Variants in XRCC4 observed in about 807,000 individuals in gnomAD.
XRCC4 encodes DNA repair protein XRCC4.
In XRCC4, 28 loss-of-function variants were observed where a neutral mutation model predicts 39.1. The observed-to-expected ratio is 0.72, with a 90% CI of 0.53 to 0.98. The LOEUF is 0.98. Ranked by LOEUF, XRCC4 falls within the 50% of genes least tolerant of loss-of-function variation. The probability of loss-of-function intolerance (pLI) is 0.00; values close to 1 mark genes in which losing one functional copy is unlikely to be tolerated. For missense variants in XRCC4, 350 were observed against 376.4 expected (o/e 0.93, Z 0.58); for synonymous variants, 123 against 126.4 (o/e 0.97, Z 0.18).
intron 7 of XRCC4, among the ~76,000 whole-genome samples, chr5:83,325,956 C>T (rs1297776397): frequency 1.3e-5 from 2 of 152,072 alleles, no homozygotes; most frequent in African/African-American, 2.4e-5. Context: ...TTCTTTGCAT[C>T]CTCACCAGCA....
chr5:83,350,318 T>G (rs930976071), intron 7 of XRCC4, among the ~76,000 whole-genome samples: 18 of 152,212 alleles, frequency 1.2e-4, no homozygotes, highest in African/African-American at 4.3e-4. Flanking sequence ...AGTTATGTTT[T>G]AAGTCCTTTG....
intron 3 of XRCC4, among the ~76,000 whole-genome samples, chr5:83,126,935 T>C (rs1747296057): frequency 6.6e-6 from 1 of 152,176 alleles, no homozygotes; most frequent in East Asian, 1.9e-4. Flanking sequence ...ACTCCCTTCT[T>C]TTTTCCTGTT....
chr5:83,110,902 G>C, intron 2 of XRCC4, 126 bp from the exon 3 acceptor site: 1 of 873,064 alleles, frequency 1.1e-6, no homozygotes, highest in Middle Eastern at 3.0e-4. Context: ...GTGTAGTATA[G>C]GGATTGATTT....
chr5:83,284,052 CAAAAAAAAAAAAAAAA>C (rs766161565), intron 7 of XRCC4, among the ~76,000 whole-genome samples: 1 of 16,070 alleles, frequency 6.2e-5, no homozygotes, highest in African/African-American at 1.8e-4. Flanking sequence ...CAACCCAGAG[CAAAAAAAAAAAAAAAA>C]AAAAAAAAAA....
chr5:83,303,034 G>A (rs1191205799), intron 7 of XRCC4, among the ~76,000 whole-genome samples: 4 of 152,080 alleles, frequency 2.6e-5, no homozygotes, highest in African/African-American at 9.7e-5. Context: ...CCAACATGGT[G>A]AAACCCCGTC....
intron 7 of XRCC4, among the ~76,000 whole-genome samples, chr5:83,336,713 G>A (rs1460701688): frequency 1.3e-5 from 2 of 152,134 alleles, no homozygotes; most frequent in Non-Finnish European, 2.9e-5. Flanking sequence ...CAGTAGTTGG[G>A]TTGTGAGTGT....
intron 6 of XRCC4, among the ~76,000 whole-genome samples, chr5:83,225,606 A>G (rs1295638670): frequency 9.9e-6 from 1 of 101,290 alleles, no homozygotes; most frequent in South Asian, 3.6e-4. Flanking sequence ...TTTATTCCAG[A>G]AAAAAAAAAA....
At chr5:83,218,062 T>TTATATATATATATATATATATA (rs560667796) in intron 6 of XRCC4, among the ~76,000 whole-genome samples, 6 of 147,610 alleles carry the variant, frequency 4.1e-5, no homozygotes, top group African/African-American at 1.5e-4. Flanking sequence ...TTTACCTTTT[T>TTATATATATATATATATATATA]TATATATATA....
chr5:83,245,580 A>C (rs1157167173), intron 6 of XRCC4, among the ~76,000 whole-genome samples: 3 of 152,158 alleles, frequency 2.0e-5, no homozygotes, highest in African/African-American at 7.2e-5. Context: ...TAATTGCATA[A>C]GATTTTTTGG....
At chr5:83,361,716 G>A in the XRCC4 span, among the ~76,000 whole-genome samples, 6 of 151,276 alleles carry the variant, frequency 4.0e-5, no homozygotes, top group Non-Finnish European at 1.5e-5. Context: ...TCTGTCTCCT[G>A]GTTCAAGAGG....
intron 3 of XRCC4, among the ~76,000 whole-genome samples, chr5:83,166,440 G>A (rs1749476940): frequency 6.7e-6 from 1 of 150,324 alleles, no homozygotes; most frequent in Admixed American, 6.6e-5. Context: ...CCCACCAACA[G>A]TATATAAGTG....
At chr5:83,153,645 G>T (rs574125549) in intron 3 of XRCC4, among the ~76,000 whole-genome samples, 2 of 152,256 alleles carry the variant, frequency 1.3e-5, no homozygotes, top group South Asian at 2.1e-4. Context: ...ACAAAGGCTG[G>T]CAAGGATGCC....
chr5:83,154,901 T>A (rs1329828431), intron 3 of XRCC4, among the ~76,000 whole-genome samples: 2 of 152,196 alleles, frequency 1.3e-5, no homozygotes, highest in African/African-American at 4.8e-5. Context: ...TCATCTCTTA[T>A]CATTCGCAGT....
intron 7 of XRCC4, among the ~76,000 whole-genome samples, chr5:83,325,660 A>G (rs892172068): frequency 6.6e-6 from 1 of 152,154 alleles, no homozygotes; most frequent in African/African-American, 2.4e-5. Flanking sequence ...TTGCGACTGC[A>G]TAGTATTCCA....
At chr5:83,372,846 T>C in the XRCC4 span, among the ~76,000 whole-genome samples, 1 of 152,350 alleles carries the variant, frequency 6.6e-6, no homozygotes, top group African/African-American at 2.4e-5. Context: ...AAGTTTGATT[T>C]AATGTTTTAA....
intron 1 of XRCC4, among the ~76,000 whole-genome samples, chr5:83,100,245 T>G (rs924259255): frequency 1.3e-5 from 2 of 152,118 alleles, no homozygotes; most frequent in East Asian, 3.9e-4. Context: ...AATAATAGAA[T>G]CTTTAAAATA....
At chr5:83,305,613 G>GATT (rs1755455801) in intron 7 of XRCC4, among the ~76,000 whole-genome samples, 1 of 152,046 alleles carries the variant, frequency 6.6e-6, no homozygotes, top group Non-Finnish European at 1.5e-5. Context: ...ACTTAGACTG[G>GATT]ATTAATTTAG....
intron 1 of XRCC4, among the ~76,000 whole-genome samples, chr5:83,096,422 C>T (rs1745680848): frequency 6.6e-6 from 1 of 152,086 alleles, no homozygotes; most frequent in African/African-American, 2.4e-5. Context: ...GTAATTCCTC[C>T]AGGACCCCTT....
chr5:83,228,647 A>G (rs766702923), intron 6 of XRCC4, among the ~76,000 whole-genome samples: 14 of 152,042 alleles, frequency 9.2e-5, no homozygotes, highest in South Asian at 2.1e-4. Flanking sequence ...TTGCACTTAA[A>G]CAAAAATACC....
Sources: gnomAD v4.1 joint callset for allele counts (sites outside exome capture counted in the v4.1 genomes callset) on GRCh38, gnomAD v4.1.1 for gene constraint, MANE v1.5 for transcripts, NCBI Gene and HGNC (gene_info 2026-07-23, HGNC 2026-07-21) for gene names.